Variants in CCDC178 observed in about 807,000 individuals in gnomAD.
CCDC178 encodes coiled-coil domain-containing protein 178.
Under a neutral mutation model 117.4 loss-of-function variants are expected in CCDC178, and 126 were observed. The ratio of observed to expected loss-of-function variants is 1.07; its 90% CI spans 0.93 to 1.24. The LOEUF (loss-of-function observed/expected upper bound fraction) is 1.24. Among genes scored for constraint, CCDC178 ranks in the 50% most tolerant of loss-of-function variants. The pLI, the probability that CCDC178 is intolerant of heterozygous loss-of-function variation, is 0.00. For missense variants in CCDC178, 1,030 were observed against 986.9 expected, an observed-to-expected ratio of 1.04 and a Z score of -0.59; for synonymous variants, 283 against 313.4, an observed-to-expected ratio of 0.90 and a Z score of 1.02.
intron 21 of CCDC178, among the ~76,000 whole-genome samples, chr18:33,051,885 T>G (rs2056753810): frequency 6.6e-6 from 1 of 152,228 alleles, no homozygotes; most frequent in South Asian, 2.1e-4. Flanking sequence ...TGTATTCAAA[T>G]GGGTTTTTTA....
At chr18:33,139,908 G>GA (rs2058179133) in intron 20 of CCDC178, among the ~76,000 whole-genome samples, 1 of 152,070 alleles carries the variant, frequency 6.6e-6, no homozygotes. Context: ...GACCTAGGAA[G>GA]AAAAAATGGT....
chr18:33,213,796 G>A (rs1331180906), intron 19 of CCDC178, among the ~76,000 whole-genome samples: 1 of 151,816 alleles, frequency 6.6e-6, no homozygotes, highest in Admixed American at 6.6e-5. Context: ...ATTAAATGAG[G>A]GTCAAGGATG....
intron 20 of CCDC178, among the ~76,000 whole-genome samples, chr18:33,140,369 C>T (rs773860010): frequency 6.6e-6 from 1 of 152,124 alleles, no homozygotes; most frequent in African/African-American, 2.4e-5. Context: ...GGAAAAGACA[C>T]AGACACTCAA....
At chr18:32,991,292 G>T (rs956054918) in intron 21 of CCDC178, among the ~76,000 whole-genome samples, 2 of 152,070 alleles carry the variant, frequency 1.3e-5, no homozygotes, top group Admixed American at 6.6e-5. Flanking sequence ...TTAAATTTAG[G>T]TATTGTGTAC....
At chr18:33,190,844 CT>C (rs1275455006) in intron 20 of CCDC178, among the ~76,000 whole-genome samples, 1 of 152,136 alleles carries the variant, frequency 6.6e-6, no homozygotes, top group Non-Finnish European at 1.5e-5. Flanking sequence ...ATTTTTCAAT[CT>C]TTTAACTTAT....
chr18:33,309,021 G>C (rs1224681116), intron 11 of CCDC178, among the ~76,000 whole-genome samples: 1 of 152,052 alleles, frequency 6.6e-6, no homozygotes, highest in Non-Finnish European at 1.5e-5. Flanking sequence ...TTAAATTATT[G>C]ATAAAACAAA....
At chr18:32,957,365 T>G (rs1292855607) in intron 22 of CCDC178, among the ~76,000 whole-genome samples, 4 of 152,190 alleles carry the variant, frequency 2.6e-5, no homozygotes, top group Admixed American at 2.0e-4. Context: ...GTTTGTTTGC[T>G]TTTTGCATCC....
At chr18:32,982,057 A>G (rs2055164509) in intron 21 of CCDC178, among the ~76,000 whole-genome samples, 1 of 152,188 alleles carries the variant, frequency 6.6e-6, no homozygotes, top group Non-Finnish European at 1.5e-5. Context: ...AATAATGACT[A>G]GTATGTTTTT....
At chr18:32,952,192 A>C (rs1306485574) in intron 22 of CCDC178, among the ~76,000 whole-genome samples, 8 of 152,210 alleles carry the variant, frequency 5.3e-5, no homozygotes, top group Non-Finnish European at 1.2e-4. Flanking sequence ...TCACAGCTCC[A>C]CTAGGCAGTG....
intron 9 of CCDC178, among the ~76,000 whole-genome samples, chr18:33,336,518 C>A (rs993445564): frequency 3.3e-5 from 5 of 152,030 alleles, no homozygotes; most frequent in East Asian, 1.9e-4. Flanking sequence ...ACTACATGAG[C>A]AAATCTGACA....
intron 21 of CCDC178, among the ~76,000 whole-genome samples, chr18:33,087,232 G>T (rs1248905369): frequency 6.6e-6 from 1 of 152,038 alleles, no homozygotes; most frequent in Admixed American, 6.5e-5. Context: ...CTCAAAACTG[G>T]TATTGGACTG....
chr18:33,085,315 G>A (rs910051742), intron 21 of CCDC178, among the ~76,000 whole-genome samples: 1 of 152,206 alleles, frequency 6.6e-6, no homozygotes, highest in Non-Finnish European at 1.5e-5. Flanking sequence ...TGTAATCCCG[G>A]CACTTTGGGA....
chr18:33,146,376 C>A (rs980100491), intron 20 of CCDC178, among the ~76,000 whole-genome samples: 1 of 152,204 alleles, frequency 6.6e-6, no homozygotes, highest in African/African-American at 2.4e-5. Context: ...AGATCAGATT[C>A]AGAGTGGCTT....
intron 20 of CCDC178, among the ~76,000 whole-genome samples, chr18:33,199,844 G>C (rs2058973099): frequency 6.6e-6 from 1 of 152,140 alleles, no homozygotes; most frequent in Non-Finnish European, 1.5e-5. Context: ...ACTGGGCACT[G>C]TACTCAGCTC....
At chr18:32,998,070 C>T (rs1431237606) in intron 21 of CCDC178, among the ~76,000 whole-genome samples, 9 of 152,116 alleles carry the variant, frequency 5.9e-5, no homozygotes, top group South Asian at 2.1e-4. Context: ...AAAAAGGCAC[C>T]GAAGATAGTT....
Position 33,280,042 on chromosome 18 carries a change from G to A in CCDC178, c.1177-12745C>T, listed in dbSNP as rs958053103. 3.9e-4 allele frequency among the ~76,000 whole-genome samples: 59 copies of A among 150,580 alleles called. 1 individual carries two copies. The highest frequency in any genetic ancestry group is 1.4e-3 in the African/African-American group (58 of 40,902). ...ATTACCATTCAGGACATAGGCATGG[G>A]CAAGGACTTCATGTCTAAAACACCA... On this transcript the variant is annotated intron_variant, in intron 12 of 22. Transcript: ENST00000383096.
At chr18:33,181,074 A>G (rs534448292) in intron 20 of CCDC178, among the ~76,000 whole-genome samples, 2 of 152,128 alleles carry the variant, frequency 1.3e-5, no homozygotes, top group East Asian at 3.9e-4. Context: ...ACTGGAGGAA[A>G]AAAAGTACAA....
intron 21 of CCDC178, among the ~76,000 whole-genome samples, chr18:33,017,509 T>C (rs903882430): frequency 1.8e-4 from 28 of 151,990 alleles, no homozygotes; most frequent in Non-Finnish European, 2.1e-4. Context: ...AACATGGCAA[T>C]ACTTCCGAAA....
At chr18:32,953,822 T>C (rs1185046918) in intron 22 of CCDC178, among the ~76,000 whole-genome samples, 1 of 152,198 alleles carries the variant, frequency 6.6e-6, no homozygotes, top group African/African-American at 2.4e-5. Flanking sequence ...TTTGTTATTA[T>C]ATATTTACTT....
Sources: gnomAD v4.1 joint callset for allele counts (sites outside exome capture counted in the v4.1 genomes callset) on GRCh38, gnomAD v4.1.1 for gene constraint, MANE v1.5 for transcripts, NCBI Gene and HGNC (gene_info 2026-07-23, HGNC 2026-07-21) for gene names.